KLF12: variants seen among roughly 807,000 people sequenced by gnomAD.
The protein encoded by KLF12 is Krueppel-like factor 12.
Under a neutral mutation model 37.8 loss-of-function variants are expected in KLF12, and 9 were observed. The observed-to-expected ratio is 0.24, with a 90% CI of 0.14 to 0.42. The LOEUF is 0.42. Ranked by LOEUF, KLF12 falls within the 10% of genes least tolerant of loss-of-function variation. The probability of loss-of-function intolerance (pLI) is 1.00; values close to 1 mark genes in which losing one functional copy is unlikely to be tolerated. For missense variants in KLF12, 411 were observed against 516.0 expected, an observed-to-expected ratio of 0.80 and a Z score of 1.97; for synonymous variants, 208 against 202.1, an observed-to-expected ratio of 1.03 and a Z score of -0.25.
At chr13:73,733,117 C>G (rs376773486) in intron 6 of KLF12, among the ~76,000 whole-genome samples, 97 of 152,248 alleles carry the variant, frequency 6.4e-4, no homozygotes, top group African/African-American at 2.3e-3. Flanking sequence ...TACTCCTTCC[C>G]CCCAGTCTTT....
chr13:74,203,799 C>T, the KLF12 span, among the ~76,000 whole-genome samples: 2 of 152,050 alleles, frequency 1.3e-5, no homozygotes, highest in Admixed American at 6.6e-5. Flanking sequence ...AGCTACAGTA[C>T]CACCCAGCCA....
At chr13:73,970,497 G>A (rs1162600770) in intron 2 of KLF12, among the ~76,000 whole-genome samples, 2 of 152,146 alleles carry the variant, frequency 1.3e-5, no homozygotes, top group Non-Finnish European at 2.9e-5. Flanking sequence ...CAGTGTCACA[G>A]AGGATCTGAG....
chr13:74,135,587 A>T (rs1878523023), upstream of KLF12, among the ~76,000 whole-genome samples: 1 of 151,012 alleles, frequency 6.6e-6, no homozygotes, highest in South Asian at 2.1e-4. Flanking sequence ...GACGGGGCGG[A>T]AGCGGCCGGG....
the KLF12 span, among the ~76,000 whole-genome samples, chr13:74,147,715 A>G: frequency 2.0e-5 from 3 of 152,004 alleles, no homozygotes; most frequent in Non-Finnish European, 4.4e-5. Context: ...TTTCCCTAAG[A>G]AAACAGAAGC....
At chr13:74,002,443 T>C (rs987473288) in intron 1 of KLF12, among the ~76,000 whole-genome samples, 1 of 152,208 alleles carries the variant, frequency 6.6e-6, no homozygotes, top group African/African-American at 2.4e-5. Context: ...AGCACCATCA[T>C]GGCTCACTGC....
At chr13:73,936,850 C>A (rs1161490292) in intron 3 of KLF12, among the ~76,000 whole-genome samples, 1 of 152,162 alleles carries the variant, frequency 6.6e-6, no homozygotes, top group African/African-American at 2.4e-5. Context: ...TCAATTCCCA[C>A]AAGAGTTAAT....
chr13:74,186,478 G>C, the KLF12 span, among the ~76,000 whole-genome samples: 1 of 151,974 alleles, frequency 6.6e-6, no homozygotes, highest in Admixed American at 6.6e-5. Flanking sequence ...GGACAGGTTG[G>C]GTACAAATGG....
At chr13:73,944,922 A>C (rs1306950837) in intron 2 of KLF12, among the ~76,000 whole-genome samples, 1 of 152,224 alleles carries the variant, frequency 6.6e-6, no homozygotes, top group East Asian at 1.9e-4. Context: ...AAACATGTTT[A>C]GAATGCTAAT....
rs148794808 is a variant in KLF12, at chr13:74,033,900, T to G, written c.-31-38847A>C. 1.1e-3 allele frequency among the ~76,000 whole-genome samples: 167 copies of G among 152,204 alleles called. 1 individual carries two copies. The East Asian group carries it at 0.027, about 24-fold the overall frequency. ...TTCATCAGTGCATATATATGTGTAGTTATTACAGTTTCTTCCATATGGCCA... is the reference window on the plus strand; with the variant it reads ...TTCATCAGTGCATATATATGTGTAGGTATTACAGTTTCTTCCATATGGCCA... On this transcript the variant is annotated intron_variant, in intron 1 of 7. Transcript: ENST00000377669.
chr13:74,293,722 C>A, the KLF12 span, among the ~76,000 whole-genome samples: 1 of 152,276 alleles, frequency 6.6e-6, no homozygotes, highest in South Asian at 2.1e-4. Context: ...CCAGTTATAG[C>A]TTGGATTTTG....
At chr13:74,046,083 T>C (rs1398539299) in intron 1 of KLF12, among the ~76,000 whole-genome samples, 3 of 152,222 alleles carry the variant, frequency 2.0e-5, no homozygotes, top group African/African-American at 4.8e-5. Flanking sequence ...TATAGTAAAT[T>C]TGGCATGTTT....
chr13:74,232,703 A>G, the KLF12 span, among the ~76,000 whole-genome samples: 1 of 152,208 alleles, frequency 6.6e-6, no homozygotes, highest in African/African-American at 2.4e-5. Context: ...TATACACTGT[A>G]TATGACATTG....
chr13:74,097,761 A>G (rs1461222067), intron 1 of KLF12, among the ~76,000 whole-genome samples: 2 of 151,534 alleles, frequency 1.3e-5, no homozygotes. Context: ...TTTATTAGTT[A>G]AATGTCTGCA....
intron 3 of KLF12, among the ~76,000 whole-genome samples, chr13:73,883,649 G>A (rs553055192): frequency 3.7e-4 from 56 of 152,170 alleles, no homozygotes; most frequent in Non-Finnish European, 6.6e-4. Context: ...AGCACTCCAC[G>A]GTAAAGCAAA....
chr13:74,028,337 T>C (rs1893029404), intron 1 of KLF12, among the ~76,000 whole-genome samples: 1 of 152,212 alleles, frequency 6.6e-6, no homozygotes, highest in Admixed American at 6.5e-5. Flanking sequence ...ATGCTGCTAT[T>C]ATAAACTACA....
At chr13:73,851,591 T>C (rs1241166614) in intron 3 of KLF12, among the ~76,000 whole-genome samples, 1 of 152,230 alleles carries the variant, frequency 6.6e-6, no homozygotes, top group African/African-American at 2.4e-5. Context: ...ATGACAATAA[T>C]ATAACAAATA....
At chr13:74,072,388 T>C (rs1182636480) in intron 1 of KLF12, among the ~76,000 whole-genome samples, 7 of 130,832 alleles carry the variant, frequency 5.4e-5, no homozygotes, top group Non-Finnish European at 8.3e-5. Context: ...TATATATATA[T>C]ATATATATAT....
At chr13:74,118,765 G>C (rs1453757451) in intron 1 of KLF12, among the ~76,000 whole-genome samples, 7 of 152,114 alleles carry the variant, frequency 4.6e-5, no homozygotes, top group Admixed American at 4.6e-4. Context: ...AATTGTAAGA[G>C]GGTGCAAGTC....
intron 1 of KLF12, among the ~76,000 whole-genome samples, chr13:73,997,122 C>T (rs1355173385): frequency 2.0e-5 from 3 of 152,130 alleles, no homozygotes; most frequent in East Asian, 3.9e-4. Context: ...AATTCAGGCT[C>T]CCAAGAGAGT....
Sources: allele counts gnomAD v4.1 joint callset (sites outside exome capture counted in the v4.1 genomes callset), GRCh38; gene constraint gnomAD v4.1.1; transcripts MANE v1.5; gene names NCBI Gene and HGNC (gene_info 2026-07-23, HGNC 2026-07-21).